USH2A: variants seen among roughly 807,000 people sequenced by gnomAD.
USH2A encodes the protein Usher syndrome 2A (autosomal recessive, mild).
A neutral mutation model predicts 538.9 loss-of-function variants in USH2A; 443 were observed. The ratio of observed to expected loss-of-function variants is 0.82; its 90% CI spans 0.76 to 0.89. USH2A has a LOEUF of 0.89. Ranked by LOEUF, USH2A falls within the 40% of genes least tolerant of loss-of-function variation. The pLI is 0.00. For synonymous variants in USH2A, 2,413 were observed against 2,273.5 expected (o/e 1.06, Z -1.75); for missense variants, 6,633 against 6,324.8 (o/e 1.05, Z -1.65).
At chr1:216,231,271 T>A (rs1211129363) in intron 14 of USH2A, among the ~76,000 whole-genome samples, 12 of 113,328 alleles carry the variant, frequency 1.1e-4, no homozygotes, top group African/African-American at 3.5e-4. Context: ...TATATATATA[T>A]AATATATATA....
At chr1:216,271,572 G>C (rs1259607838) in intron 11 of USH2A, among the ~76,000 whole-genome samples, 2 of 151,964 alleles carry the variant, frequency 1.3e-5, no homozygotes, top group African/African-American at 4.8e-5. Context: ...GAAGTTATAA[G>C]AGCAAACCTC....
intron 30 of USH2A, 67 bp downstream of exon 30, chr1:216,070,034 A>G: frequency 6.4e-7 from 1 of 1,557,068 alleles, no homozygotes; most frequent in South Asian, 1.1e-5. Flanking sequence ...TTTGCAGAAG[A>G]TTTTTATTTA....
Position 215,829,919 on chromosome 1 carries a change from G to A in USH2A, c.9371+8072C>T, listed in dbSNP as rs540176482. ...TTGGAAGAAAGAAAACTGTGGTGGA[G>A]GGGGACTTCCCATGCAGGCCAATAT... On this transcript the variant is annotated intron_variant, in intron 47 of 71. Transcript: ENST00000307340. 9.2e-5 allele frequency among the ~76,000 whole-genome samples: 14 copies of A among 152,260 alleles called. No individual in the cohort carries two copies. The South Asian group carries it at 2.9e-3, about 32-fold the overall frequency.
In USH2A at chr1:215,817,023, G is replaced by A; in HGVS notation, c.9544C>T (p.His3182Tyr). Residue 3182 changes from histidine (H) to tyrosine (Y), a missense_variant, in exon 48 of 72, where the codon CAC becomes TAC. Transcript: ENST00000307340. Reference protein sequence around the residue: ...RCQKPESICGHICYSSEAKVC... With the variant: ...RCQKPESICGYICYSSEAKVC... Reference sequence around the variant, plus strand: ...TTAGCTTCAGAAGAATAGCAAATGTGTCCACAGATAGATTCAGGTTTTTGA... The same window carrying A: ...TTAGCTTCAGAAGAATAGCAAATGTATCCACAGATAGATTCAGGTTTTTGA... 6.2e-7 allele frequency: 1 copy of A among 1,612,542 alleles called. No individual in the cohort carries two copies. The highest frequency in any genetic ancestry group is 8.5e-7 in the Non-Finnish European group (1 of 1,178,868).
At chr1:215,667,517 T>C (rs756882654) in intron 64 of USH2A, among the ~76,000 whole-genome samples, 1 of 151,956 alleles carries the variant, frequency 6.6e-6, no homozygotes, top group African/African-American at 2.4e-5. Context: ...GCCAAGATGA[T>C]GAAACCCCGT....
Position 216,325,538 on chromosome 1 carries a change from A to T in USH2A, c.910T>A (p.Cys304Ser). The T allele has an allele frequency of 6.2e-7, 1 of 1,613,570 alleles. No individual in the cohort carries two copies. The highest frequency in any genetic ancestry group is 8.5e-7 in the Non-Finnish European group (1 of 1,179,730). Residue 304 changes from cysteine (C) to serine (S), a missense_variant, in exon 6 of 72, where the codon TGC becomes AGC. Coordinates refer to ENST00000307340, the MANE Select transcript of USH2A (RefSeq NM_206933.4). ...TGGACCCGCGGGTGGCTGCCAGGGC[A>T]ACGGCAATGTGATTGGGCATGCAAT... ...LRLHAQSHCRCPGSHPRVHPL... is the reference protein window; with the variant it reads ...LRLHAQSHCRSPGSHPRVHPL...
At chr1:215,704,612 A>C (rs1659132023) in intron 61 of USH2A, among the ~76,000 whole-genome samples, 1 of 152,128 alleles carries the variant, frequency 6.6e-6, no homozygotes, top group African/African-American at 2.4e-5. Flanking sequence ...GCACATCCTT[A>C]GCCTCTCCCT....
At chr1:216,337,140 TA>T (rs562305010) in intron 4 of USH2A, among the ~76,000 whole-genome samples, 1 of 151,446 alleles carries the variant, frequency 6.6e-6, no homozygotes, top group Non-Finnish European at 1.5e-5. Flanking sequence ...CTAAGTATTT[TA>T]GGGGAAAAGT....
chr1:216,316,114 A>C (rs1469135057), intron 9 of USH2A, among the ~76,000 whole-genome samples: 1 of 152,160 alleles, frequency 6.6e-6, no homozygotes, highest in Non-Finnish European at 1.5e-5. Context: ...ACAAAAATGT[A>C]TCGGAGTTCC....
intron 11 of USH2A, among the ~76,000 whole-genome samples, chr1:216,253,375 A>T (rs895510251): frequency 1.3e-5 from 2 of 152,092 alleles, no homozygotes; most frequent in Non-Finnish European, 2.9e-5. Flanking sequence ...CATGTTGGTC[A>T]GGCTGGTCCT....
chr1:215,723,345 C>T (rs543408274), intron 61 of USH2A, among the ~76,000 whole-genome samples: 5 of 152,272 alleles, frequency 3.3e-5, no homozygotes, highest in African/African-American at 7.2e-5. Context: ...CTCACCCCCA[C>T]GGAGGGCCCC....
At chr1:216,035,652 A>C (rs1224186530) in intron 32 of USH2A, among the ~76,000 whole-genome samples, 6 of 152,168 alleles carry the variant, frequency 3.9e-5, no homozygotes, top group African/African-American at 1.4e-4. Context: ...TAAATGAAAA[A>C]TCCTAAGCTA....
chr1:216,322,768 C>A (rs543163080), intron 8 of USH2A, among the ~76,000 whole-genome samples: 1 of 151,872 alleles, frequency 6.6e-6, no homozygotes, highest in East Asian at 1.9e-4. Flanking sequence ...ACAAACAATG[C>A]TTATATACTG....
At chr1:216,308,066 C>T (rs896885208) in intron 9 of USH2A, among the ~76,000 whole-genome samples, 3 of 152,084 alleles carry the variant, frequency 2.0e-5, no homozygotes, top group African/African-American at 4.8e-5. Context: ...TCTGTCTGTC[C>T]GAGGGGGAGC....
intron 8 of USH2A, 121 bp downstream of exon 8, chr1:216,323,353 T>TA (rs2037655838): frequency 8.0e-6 from 7 of 870,344 alleles, no homozygotes; most frequent in Non-Finnish European, 1.3e-5. Flanking sequence ...CCTAAAATCT[T>TA]AGAGTATGAA....
At chr1:215,678,550 T>C (rs1658112045) in intron 62 of USH2A, among the ~76,000 whole-genome samples, 1 of 152,252 alleles carries the variant, frequency 6.6e-6, no homozygotes, top group South Asian at 2.1e-4. Context: ...CAAATGATAT[T>C]CCATTCTAAA....
intron 35 of USH2A, among the ~76,000 whole-genome samples, chr1:215,987,056 A>G (rs1325522): frequency 0.018 from 2,747 of 152,334 alleles, 76 homozygotes; most frequent in African/African-American, 0.063. Flanking sequence ...GTATTTAAAA[A>G]AAACACATAT....
chr1:215,627,421 C>CTTCCTTCT (rs1200482546), intron 71 of USH2A, among the ~76,000 whole-genome samples: 2 of 116,606 alleles, frequency 1.7e-5, no homozygotes, highest in Admixed American at 1.8e-4. Context: ...TCCTTCCTTC[C>CTTCCTTCT]TTCCTTCCTT....
At chr1:215,983,843 C>T (rs921067851) in intron 35 of USH2A, among the ~76,000 whole-genome samples, 2 of 152,294 alleles carry the variant, frequency 1.3e-5, no homozygotes, top group Admixed American at 6.5e-5. Flanking sequence ...GATTCCTAGA[C>T]CATTTTAACT....
Sources: gnomAD v4.1 joint callset for allele counts (sites outside exome capture counted in the v4.1 genomes callset) on GRCh38, gnomAD v4.1.1 for gene constraint, MANE v1.5 for transcripts, NCBI Gene and HGNC (gene_info 2026-07-23, HGNC 2026-07-21) for gene names.